Variants in FRMD3 observed in about 807,000 individuals in gnomAD.
FRMD3 encodes FERM domain containing 3, also known as FERM domain-containing protein 3.
In FRMD3, 33 loss-of-function variants were observed where a neutral mutation model predicts 70.2. That is an observed-to-expected ratio of 0.47 (90% CI 0.36 to 0.63). FRMD3 has a LOEUF of 0.63. Ranked by LOEUF, FRMD3 falls within the 20% of genes least tolerant of loss-of-function variation. FRMD3 has a pLI of 0.00. For synonymous variants in FRMD3, 279 were observed against 255.9 expected (o/e 1.09, Z -0.86); for missense variants, 632 against 711.4 (o/e 0.89, Z 1.27).
chr9:83,425,291 C>A (rs1826769868), intron 1 of FRMD3, among the ~76,000 whole-genome samples: 1 of 151,998 alleles, frequency 6.6e-6, no homozygotes, highest in Non-Finnish European at 1.5e-5. Flanking sequence ...TAACAAGGTC[C>A]CCTGCATGAG....
chr9:83,425,902 C>A (rs1352862477), intron 1 of FRMD3, among the ~76,000 whole-genome samples: 1 of 91,234 alleles, frequency 1.1e-5, no homozygotes, highest in East Asian at 3.5e-4. Context: ...AGTAAAACTC[C>A]GTCTCAAAAA....
At chr9:83,254,897 T>TA (rs1832627533) in intron 13 of FRMD3, among the ~76,000 whole-genome samples, 1 of 151,936 alleles carries the variant, frequency 6.6e-6, no homozygotes, top group Admixed American at 6.6e-5. Context: ...CCTACCAATA[T>TA]AAAAAAGCCC....
intron 1 of FRMD3, among the ~76,000 whole-genome samples, chr9:83,520,273 T>G (rs17086403): frequency 0.087 from 13,264 of 152,152 alleles, 703 homozygotes; most frequent in East Asian, 0.25. Flanking sequence ...GGATTAAAAC[T>G]CTAAAATCCC....
chr9:83,502,527 T>C (rs190831882), intron 1 of FRMD3, among the ~76,000 whole-genome samples: 1 of 152,208 alleles, frequency 6.6e-6, no homozygotes, highest in Non-Finnish European at 1.5e-5. Context: ...ATGGGCCCAA[T>C]AGAAGAAAGA....
chr9:83,480,300 T>G (rs539595293), intron 1 of FRMD3, among the ~76,000 whole-genome samples: 3 of 152,264 alleles, frequency 2.0e-5, no homozygotes, highest in African/African-American at 7.2e-5. Flanking sequence ...TGTGACTGAA[T>G]TGTAACAATA....
At chr9:83,254,630 T>C (rs1383831259) in intron 13 of FRMD3, among the ~76,000 whole-genome samples, 3 of 151,508 alleles carry the variant, frequency 2.0e-5, no homozygotes, top group Non-Finnish European at 4.4e-5. Context: ...CTAGATAGAC[T>C]AGCTAGACTA....
At chr9:83,267,259 T>G (rs1833311277) in intron 13 of FRMD3, 1 of 1,502,138 alleles carries the variant, frequency 6.7e-7, no homozygotes, top group African/African-American at 1.4e-5. Flanking sequence ...AAATGTCAGG[T>G]TCCTAATGCG....
At chr9:83,298,470 G>A (rs750821961) in intron 12 of FRMD3, among the ~76,000 whole-genome samples, 2 of 152,198 alleles carry the variant, frequency 1.3e-5, no homozygotes, top group Non-Finnish European at 2.9e-5. Context: ...TGATTAAAAG[G>A]ATGAGATGAC....
chr9:83,345,407 T>TA (rs2131171070), intron 4 of FRMD3, among the ~76,000 whole-genome samples: 1 of 152,270 alleles, frequency 6.6e-6, no homozygotes, highest in East Asian at 1.9e-4. Flanking sequence ...AAGAGTTTGT[T>TA]AAAATTGATT....
rs577620351 is a variant in FRMD3, at chr9:83,399,031, C to T, written c.148-9323G>A. On this transcript the variant is annotated intron_variant, in intron 1 of 13. Coordinates refer to ENST00000304195, the MANE Select transcript of FRMD3 (RefSeq NM_174938.6). ...TCTAATGCCCATGGTAGCCCCTACA[C>T]ACTATGAGAAGATAGACATACAGTC... is the stretch of plus-strand genomic sequence containing the variant. 8.5e-5 allele frequency among the ~76,000 whole-genome samples: 13 copies of T among 152,270 alleles called. No individual in the cohort carries two copies. In the South Asian group the frequency reaches 2.5e-3, roughly 29 times the overall value.
chr9:83,357,519 G>T (rs537810015), intron 3 of FRMD3, among the ~76,000 whole-genome samples: 2 of 151,616 alleles, frequency 1.3e-5, no homozygotes, highest in African/African-American at 2.4e-5. Context: ...TTCCATAGTG[G>T]TTGTACTAGT....
chr9:83,518,608 T>C (rs190573354), intron 1 of FRMD3, among the ~76,000 whole-genome samples: 1 of 152,242 alleles, frequency 6.6e-6, no homozygotes, highest in African/African-American at 2.4e-5. Context: ...CAAGCTGCCA[T>C]TGACTTTCTT....
chr9:83,575,995 G>A, the FRMD3 span, among the ~76,000 whole-genome samples: 34 of 151,816 alleles, frequency 2.2e-4, no homozygotes, highest in African/African-American at 8.0e-4. Context: ...AAGGCGGGAG[G>A]ATCACTCGAA....
At position 83,322,040 on chromosome 9, in the gene FRMD3, C is replaced by A. The variant is rs141448882; in HGVS notation, c.597-8293G>T. On this transcript the variant is annotated intron_variant, in intron 6 of 13. Transcript: ENST00000304195. ...TGCAGCCATGACAACTTGAACTCGG[C>A]CCACGGTGGAGTGCAGCCTAGTGTT... 3.9e-3 allele frequency among the ~76,000 whole-genome samples: 600 copies of A among 152,178 alleles called. 2 individuals are homozygous for A. The highest frequency in any genetic ancestry group is 0.014 in the African/African-American group (567 of 41,512).
chr9:83,309,590 G>C lies in FRMD3; in HGVS notation c.872C>G (p.Pro291Arg), dbSNP rs202143909. The C allele has an allele frequency of 1.5e-5, 24 of 1,595,668 alleles. No homozygotes were observed. The highest frequency in any genetic ancestry group is 1.6e-5 in the Non-Finnish European group (19 of 1,171,218). Residue 291 changes from proline to arginine, a missense_variant, in exon 10 of 14, where the codon CCA becomes CGA. Transcript: ENST00000304195. The stretch of plus-strand genomic sequence containing the variant: ...CTTCCAAAGATGTTTGCAGGCAGCT[G>C]GTGTTGAAGTATGGAATGCCAACAT... ...KAMLAFHTSTPAACKHLWKCG... is the reference protein window; with the variant it reads ...KAMLAFHTSTRAACKHLWKCG...
At chr9:83,331,767 T>A in intron 6 of FRMD3, 1 of 687,762 alleles carries the variant, frequency 1.5e-6, no homozygotes, top group Non-Finnish European at 2.6e-6. Context: ...ATAAAGTCTA[T>A]TAAAAAAAGA....
intron 13 of FRMD3, among the ~76,000 whole-genome samples, chr9:83,254,562 A>T (rs1166734628): frequency 6.8e-6 from 1 of 147,240 alleles, no homozygotes; most frequent in Non-Finnish European, 1.5e-5. Flanking sequence ...ATAGAGGCAT[A>T]AAAAAAAAAA....
chr9:83,289,471 C>T (rs544199618), intron 13 of FRMD3, among the ~76,000 whole-genome samples: 45 of 152,314 alleles, frequency 3.0e-4, no homozygotes, highest in Non-Finnish European at 6.3e-4. Flanking sequence ...TCCTTCTAAC[C>T]ATCAAAGCTG....
At chr9:83,406,049 T>C (rs892544837) in intron 1 of FRMD3, among the ~76,000 whole-genome samples, 8 of 152,074 alleles carry the variant, frequency 5.3e-5, no homozygotes, top group African/African-American at 1.7e-4. Flanking sequence ...CTAGCATACA[T>C]ACTGAGAATT....
Sources: gnomAD v4.1 joint callset for allele counts (sites outside exome capture counted in the v4.1 genomes callset) on GRCh38, gnomAD v4.1.1 for gene constraint, MANE v1.5 for transcripts, NCBI Gene and HGNC (gene_info 2026-07-23, HGNC 2026-07-21) for gene names.